Variants in NUDT13 observed in about 807,000 individuals in gnomAD.
NUDT13 encodes the protein nudix hydrolase 13, also known as NAD(P)H pyrophosphatase NUDT13, mitochondrial.
Under a neutral mutation model 41.7 loss-of-function variants are expected in NUDT13, and 40 were observed. The ratio of observed to expected loss-of-function variants is 0.96; its 90% CI spans 0.75 to 1.25. The LOEUF (loss-of-function observed/expected upper bound fraction) is 1.25. NUDT13 is among the 50% of genes most tolerant of loss of function. NUDT13 has a pLI of 0.00. For missense variants in NUDT13, 390 were observed against 416.1 expected (o/e 0.94, Z 0.55); for synonymous variants, 145 against 155.5 (o/e 0.93, Z 0.50).
At chr10:73,116,493 C>A (rs1029531966) in intron 2 of NUDT13, among the ~76,000 whole-genome samples, 1 of 152,066 alleles carries the variant, frequency 6.6e-6, no homozygotes, top group Non-Finnish European at 1.5e-5. Context: ...CCTGTAATCC[C>A]AGCACTTTGG....
At chr10:73,122,040 A>T (rs2133217246) in intron 3 of NUDT13, 135 bp from the exon 4 acceptor site, 1 of 930,660 alleles carries the variant, frequency 1.1e-6, no homozygotes, top group African/African-American at 1.7e-5. Context: ...TACATAGCTA[A>T]TTAGCTGCAG....
chr10:73,124,264 G>A lies in NUDT13; in HGVS notation c.409G>A (p.Glu137Lys), dbSNP rs1229463175. Residue 137 changes from glutamate to lysine, a missense_variant, in exon 5 of 9, where the codon GAG becomes AAG. Transcript: ENST00000357321. ...METELKGSFI[E>K]LRKALFQLNA... The stretch of plus-strand genomic sequence containing the variant: ...GACAGAGCTCAAGGGGTCTTTCATT[G>A]AGCTGAGAAAGGCACTCTTTCAACT... The A allele has an allele frequency of 6.2e-7, 1 of 1,613,374 alleles. No individual in the cohort carries two copies. Among genetic ancestry groups the A allele is most frequent in the Non-Finnish European group, 8.5e-7 (1 of 1,179,944 alleles).
rs748633891 is a variant in NUDT13, at chr10:73,122,273, C to T, written c.322C>T (p.Leu108=). ...CSEQQEAWFA[L]DLGLDSSFSI... ...TGAGCAGCAGGAAGCATGGTTTGCTCTGGATCTAGGTCTGGATAGCTCCTT... is the reference window on the plus strand; with the variant it reads ...TGAGCAGCAGGAAGCATGGTTTGCTTTGGATCTAGGTCTGGATAGCTCCTT... The change falls in exon 4 of 9, where the codon CTG becomes TTG. Residue 108 remains leucine, a synonymous_variant. Coordinates refer to ENST00000357321, the MANE Select transcript of NUDT13 (RefSeq NM_015901.6). The T allele has an allele frequency of 4.3e-6, 7 of 1,613,998 alleles. No individual in the cohort carries two copies. Among genetic ancestry groups the T allele is most frequent in the Non-Finnish European group, 5.1e-6 (6 of 1,180,008 alleles).
chr10:73,127,987 G>A (rs1842833867), intron 8 of NUDT13, among the ~76,000 whole-genome samples: 1 of 151,910 alleles, frequency 6.6e-6, no homozygotes, highest in Non-Finnish European at 1.5e-5. Context: ...CTCTGCTTCT[G>A]TAAGTTTGAC....
chr10:73,122,667 G>T (rs1269882527), intron 4 of NUDT13, among the ~76,000 whole-genome samples: 1 of 151,776 alleles, frequency 6.6e-6, no homozygotes, highest in Non-Finnish European at 1.5e-5. Flanking sequence ...GACCTCCTGG[G>T]CTCAAGTGAC....
At chr10:73,126,907 C>G in intron 8 of NUDT13, 80 bp downstream of exon 8, 1 of 1,208,758 alleles carries the variant, frequency 8.3e-7, no homozygotes, top group South Asian at 1.3e-5. Context: ...TTATTAAGCA[C>G]TTGTCTAGTC....
chr10:73,127,904 C>T lies in NUDT13; in HGVS notation c.858+1077C>T, dbSNP rs368553865. On this transcript the variant is annotated intron_variant, in intron 8 of 8. Coordinates refer to ENST00000357321, the MANE Select transcript of NUDT13 (RefSeq NM_015901.6). Reference sequence around the variant, plus strand: ...TGGTACCCTTTGACCAGTGGCCACCCTCCCTTCAGCCCCTGGCATGCAACT... The same window carrying T: ...TGGTACCCTTTGACCAGTGGCCACCTTCCCTTCAGCCCCTGGCATGCAACT... 1.8e-4 allele frequency among the ~76,000 whole-genome samples: 27 copies of T among 151,906 alleles called. No individual in the cohort carries two copies. In the East Asian group the frequency reaches 1.9e-3, roughly 11 times the overall value.
chr10:73,121,593 CA>C (rs1215449875), intron 3 of NUDT13, among the ~76,000 whole-genome samples: 1 of 152,196 alleles, frequency 6.6e-6, no homozygotes, highest in Non-Finnish European at 1.5e-5. Flanking sequence ...ACAAAAGTAG[CA>C]CATTCTGGAG....
chr10:73,131,122 G>A lies in NUDT13; in HGVS notation c.*219G>A, dbSNP rs1328806762. ...GCCAGTGTGAGAAGAAAACTGATGA[G>A]CTGTCAACTGTCAAAAATCAGGGGG... On this transcript the variant is annotated 3_prime_UTR_variant, in exon 9 of 9. Coordinates refer to ENST00000357321, the MANE Select transcript of NUDT13 (RefSeq NM_015901.6). 4 of 435,848 alleles carry A rather than the reference G, an allele frequency of 9.2e-6. No individual in the cohort carries two copies. The highest frequency in any genetic ancestry group is 1.7e-5 in the Non-Finnish European group (4 of 232,802). The allele number at this position is 435,848 out of a possible 1,614,324, so 27.0% of individuals were successfully genotyped here.
intron 2 of NUDT13, among the ~76,000 whole-genome samples, chr10:73,116,721 GAT>G (rs1324131080): frequency 6.6e-6 from 1 of 151,938 alleles, no homozygotes; most frequent in Non-Finnish European, 1.5e-5. Flanking sequence ...TAGCCTGCAT[GAT>G]AGAGTGAGAC....
intron 4 of NUDT13, among the ~76,000 whole-genome samples, chr10:73,122,653 C>A (rs942826121): frequency 6.6e-6 from 1 of 151,876 alleles, no homozygotes; most frequent in Non-Finnish European, 1.5e-5. Flanking sequence ...CTCACTGCAG[C>A]CTTGACCTCC....
intron 2 of NUDT13, among the ~76,000 whole-genome samples, chr10:73,116,905 G>A (rs80220830): frequency 2.7e-4 from 1 of 3,668 alleles, no homozygotes; most frequent in Non-Finnish European, 7.5e-4. Flanking sequence ...TTTTTTTTTT[G>A]AGATGGAGTC....
chr10:73,118,465 G>A (rs1332260104), intron 2 of NUDT13, among the ~76,000 whole-genome samples: 1 of 152,134 alleles, frequency 6.6e-6, no homozygotes, highest in African/African-American at 2.4e-5. Flanking sequence ...CTGAGCGTCT[G>A]TTTTAGGGCT....
At chr10:73,126,888 A>G in intron 8 of NUDT13, 61 bp downstream of exon 8, 1 of 1,411,420 alleles carries the variant, frequency 7.1e-7, no homozygotes, top group South Asian at 1.2e-5. Context: ...CCTGCTCATC[A>G]GCAAGTACTT....
chr10:73,117,671 T>C lies in NUDT13; in HGVS notation c.84-2347T>C, dbSNP rs183981086. On this transcript the variant is annotated intron_variant, in intron 2 of 8. Transcript: ENST00000357321. ...TAGTAGGTTTGATGGATTCTAAATA[T>C]ACTTATATATGTATTGATGTATAAT... Among the ~76,000 whole-genome samples, 145 of 152,242 alleles carry C rather than the reference T, an allele frequency of 9.5e-4. 1 individual carries two copies. The highest frequency in any genetic ancestry group is 5.4e-3 in the South Asian group (26 of 4,824).
intron 1 of NUDT13, among the ~76,000 whole-genome samples, 161 bp downstream of exon 1, chr10:73,110,728 G>A (rs955011946): frequency 2.0e-5 from 3 of 152,086 alleles, no homozygotes; most frequent in Admixed American, 6.6e-5. Context: ...CCATAGTTTT[G>A]CCTCATAACT....
At chr10:73,118,781 T>C (rs1429994732) in intron 2 of NUDT13, among the ~76,000 whole-genome samples, 1 of 151,934 alleles carries the variant, frequency 6.6e-6, no homozygotes, top group Non-Finnish European at 1.5e-5. Context: ...GAAACCAGCC[T>C]GGCCAACATG....
chr10:73,126,697 G>A lies in NUDT13; in HGVS notation c.728G>A (p.Arg243His), dbSNP rs1055754822. The A allele has an allele frequency of 2.2e-5, 36 of 1,613,984 alleles. No individual in the cohort carries two copies. Among genetic ancestry groups the A allele is most frequent in the Non-Finnish European group, 2.9e-5 (34 of 1,179,992 alleles). The part of the protein sequence containing the change: ...DIGESVEETI[R>H]REVAEEVGLE... ...GGTGAAAGTGTGGAAGAGACCATCC[G>A]CCGAGAAGTTGCAGAAGAGGTGGGA... The change falls in exon 8 of 9, where the codon CGC (arginine) becomes CAC (histidine). Residue 243 changes from arginine (R) to histidine (H), a missense_variant. Transcript: ENST00000357321.
intron 2 of NUDT13, among the ~76,000 whole-genome samples, chr10:73,118,026 T>C (rs2133208741): frequency 6.6e-6 from 1 of 152,264 alleles, no homozygotes; most frequent in Non-Finnish European, 1.5e-5. Flanking sequence ...AACCTGGGTG[T>C]TTTTGTAGGT....
Sources: gnomAD v4.1 joint callset for allele counts (sites outside exome capture counted in the v4.1 genomes callset) on GRCh38, gnomAD v4.1.1 for gene constraint, MANE v1.5 for transcripts, NCBI Gene and HGNC (gene_info 2026-07-23, HGNC 2026-07-21) for gene names.